Variants in SSTR1 observed in about 807,000 individuals in gnomAD.
SSTR1 encodes the protein somatostatin receptor type 1.
SSTR1 carries 10 observed loss-of-function variants against 20.7 expected under a neutral mutation model. That is an observed-to-expected ratio of 0.48 (90% CI 0.30 to 0.82). The LOEUF is 0.82. SSTR1 is among the 40% of genes least tolerant of loss of function. SSTR1 has a pLI of 0.07. For missense variants in SSTR1, 494 were observed against 540.0 expected, an observed-to-expected ratio of 0.91 and a Z score of 0.84; for synonymous variants, 267 against 227.8, an observed-to-expected ratio of 1.17 and a Z score of -1.55.
In SSTR1 at chr14:38,212,023, T is replaced by C. The variant is rs972821210; in HGVS notation, c.*1458T>C. 1.8e-5 allele frequency: 3 copies of C among 166,944 alleles called. No individual in the cohort carries two copies. Among genetic ancestry groups the C allele is most frequent in the African/African-American group, 7.2e-5 (3 of 41,412 alleles). The allele number at this position is 166,944 out of a possible 1,614,324, so 10.3% of individuals were successfully genotyped here. On this transcript the variant is annotated 3_prime_UTR_variant, in exon 3 of 3. Coordinates refer to ENST00000267377, the MANE Select transcript of SSTR1 (RefSeq NM_001049.3). ...TTTCCTCTAGCTTTTCTATTTTTGATTGTGTTGAGTGAAGTTTGGAGATTT... is the reference window on the plus strand; with the variant it reads ...TTTCCTCTAGCTTTTCTATTTTTGACTGTGTTGAGTGAAGTTTGGAGATTT...
At chr14:38,208,845 C>T (rs572257349) in intron 2 of SSTR1, among the ~76,000 whole-genome samples, 54 of 152,216 alleles carry the variant, frequency 3.5e-4, no homozygotes, top group African/African-American at 1.3e-3. Flanking sequence ...ACCTTTGGTT[C>T]CCACCCGCCC....
Position 38,210,322 on chromosome 14 carries a change from C to G in SSTR1, c.933C>G (p.Leu311=). The G allele has an allele frequency of 1.9e-6, 3 of 1,614,260 alleles. No individual in the cohort carries two copies. The highest frequency in any genetic ancestry group is 1.3e-5 in the African/African-American group (1 of 75,062). The change falls in exon 3 of 3, where the codon CTC becomes CTG. Residue 311 remains leucine (L), a synonymous_variant. Transcript: ENST00000267377. ...DATVSQLSVI[L]GYANSCANPI... ...CGGTGAGTCAGCTGTCGGTCATCCT[C>G]GGCTATGCCAACAGCTGCGCCAACC...
chr14:38,210,353 C>A lies in SSTR1; in HGVS notation c.964C>A (p.Leu322Ile). Residue 322 changes from leucine (L) to isoleucine (I), a missense_variant, in exon 3 of 3, where the codon CTC (leucine) becomes ATC (isoleucine). Physicochemically the swap from Leu to Ile is conservative, Grantham distance 5 (BLOSUM62 2). This residue lies in a region of SSTR1 where 280 missense variants were observed against 286.1 expected (regional missense o/e 0.98). Transcript: ENST00000267377. ...TGCCAACAGCTGCGCCAACCCCATCCTCTATGGCTTTCTCTCAGACAACTT... is the reference window on the plus strand; with the variant it reads ...TGCCAACAGCTGCGCCAACCCCATCATCTATGGCTTTCTCTCAGACAACTT... ...GYANSCANPI[L>I]YGFLSDNFKR... 9 of 1,614,272 alleles carry A rather than the reference C, an allele frequency of 5.6e-6. No individual in the cohort carries two copies. Among genetic ancestry groups the A allele is most frequent in the Non-Finnish European group, 7.6e-6 (9 of 1,180,052 alleles).
At chr14:38,209,018 T>G in intron 2 of SSTR1, 28 bp from the exon 3 acceptor site, 1 of 201,182 alleles carries the variant, frequency 5.0e-6, no homozygotes. Flanking sequence ...TCTCCTCCCT[T>G]TCTCCACCCC....
chr14:38,211,117 AC>A lies in SSTR1; in HGVS notation c.*554del, dbSNP rs1183679011. Reference sequence around the variant, plus strand: ...GACCGCTCTCCCTTTGCGCAGCCCTACCTTAAGGAAAGTTGGACTTGAGAAA... The same window carrying A: ...GACCGCTCTCCCTTTGCGCAGCCCTACTTAAGGAAAGTTGGACTTGAGAAA... On this transcript the variant is annotated 3_prime_UTR_variant, in exon 3 of 3. Coordinates refer to ENST00000267377, the MANE Select transcript of SSTR1 (RefSeq NM_001049.3). 1 of 167,372 alleles carries A rather than the reference AC, an allele frequency of 6.0e-6. No homozygotes were observed. The highest frequency in any genetic ancestry group is 2.4e-5 in the African/African-American group (1 of 41,276). The allele number at this position is 167,372 out of a possible 1,614,324, so 10.4% of individuals were successfully genotyped here. A position where few individuals can be genotyped will look rare whatever the true frequency, so the allele number is the denominator to read the frequency against.
rs758356164 is a variant in SSTR1, at chr14:38,209,956, C to T, written c.567C>T (p.Ile189=). ...LGVWVLSLLV[I]LPIVVFSRTA... ...TGTGGGTGCTATCGCTGCTCGTCAT[C>T]CTGCCCATCGTGGTCTTCTCTCGCA... Residue 189 remains isoleucine (I), a synonymous_variant, in exon 3 of 3, where the codon ATC becomes ATT. Coordinates refer to ENST00000267377, the MANE Select transcript of SSTR1 (RefSeq NM_001049.3). 2 of 1,614,096 alleles carry T rather than the reference C, an allele frequency of 1.2e-6. No individual in the cohort carries two copies. The highest frequency in any genetic ancestry group is 1.1e-5 in the South Asian group (1 of 91,086).
chr14:38,208,801 G>A (rs145255761), intron 2 of SSTR1, among the ~76,000 whole-genome samples, 192 bp downstream of exon 2: 3 of 152,292 alleles, frequency 2.0e-5, no homozygotes, highest in East Asian at 3.9e-4. Flanking sequence ...TCTTTGCTTT[G>A]GGTAGGAGAG....
rs2139295284 is a variant in SSTR1, at chr14:38,208,435, G to C, written c.-511-8G>C. On this transcript the variant is annotated splice_polypyrimidine_tract_variant and splice_region_variant and intron_variant, in intron 1 of 2. Coordinates refer to ENST00000267377, the MANE Select transcript of SSTR1 (RefSeq NM_001049.3). ...GGTGGTTGTCCTTTCTTCTCATAAC[G>C]CTCGCAGCTTAGGGCCAGTTTCCGC... is the stretch of plus-strand genomic sequence containing the variant. 2 of 152,354 alleles carry C rather than the reference G, an allele frequency of 1.3e-5. No homozygotes were observed. The highest frequency in any genetic ancestry group is 3.9e-4 in the East Asian group (2 of 5,174). 9.4% of individuals were successfully genotyped at this position (152,354 alleles called of 1,614,324 possible). A position where few individuals can be genotyped will look rare whatever the true frequency, so the allele number is the denominator to read the frequency against.
At position 38,210,043 on chromosome 14, in the gene SSTR1, C is replaced by T; in HGVS notation, c.654C>T (p.Arg218=). 1 of 1,614,246 alleles carries T rather than the reference C, an allele frequency of 6.2e-7. No homozygotes were observed. The highest frequency in any genetic ancestry group is 8.5e-7 in the Non-Finnish European group (1 of 1,180,062). ...TGCTCATGCCAGAGCCCGCTCAACG[C>T]TGGCTGGTGGGCTTCGTGTTGTACA... The part of the protein sequence containing the change: ...CNMLMPEPAQ[R]WLVGFVLYTF... The change falls in exon 3 of 3, where the codon CGC becomes CGT. Residue 218 remains arginine (R), a synonymous_variant. Coordinates refer to ENST00000267377, the MANE Select transcript of SSTR1 (RefSeq NM_001049.3).
rs762428100 is a variant in SSTR1, at chr14:38,209,498, G to T, written c.109G>T (p.Gly37Cys). ...SRGPGAGAAD[G>C]MEEPGRNASQ... is the part of the protein sequence containing the mutation. ...GGGCCCCGGGGCCGGCGCTGCGGAC[G>T]GCATGGAGGAGCCAGGGCGAAATGC... Residue 37 changes from glycine to cysteine, a missense_variant, in exon 3 of 3, where the codon GGC becomes TGC. Around this residue, in one of 3 missense-constraint regions of SSTR1, gnomAD observed 98 missense variants for 79.3 expected, o/e 1.24. Transcript: ENST00000267377. The T allele has an allele frequency of 8.2e-6, 13 of 1,579,726 alleles. No homozygotes were observed. The South Asian group carries it at 8.3e-5, about 10-fold the overall frequency.
In SSTR1 at chr14:38,209,291, C is replaced by T; in HGVS notation, c.-99C>T. 1 of 1,354,610 alleles carries T rather than the reference C, an allele frequency of 7.4e-7. No homozygotes were observed. Among genetic ancestry groups the T allele is most frequent in the South Asian group, 1.8e-5 (1 of 56,598 alleles). The allele number at this position is 1,354,610 out of a possible 1,614,324, so 83.9% of individuals were successfully genotyped here. Reference sequence around the variant, plus strand: ...CCCGGAGGCGCTGGGCGGCTGTGGGCTGCAGGCAAGCGGTCGGGTGGGGAG... The same window carrying T: ...CCCGGAGGCGCTGGGCGGCTGTGGGTTGCAGGCAAGCGGTCGGGTGGGGAG... On this transcript the variant is annotated 5_prime_UTR_variant, in exon 3 of 3. Transcript: ENST00000267377.
At position 38,209,716 on chromosome 14, in the gene SSTR1, C is replaced by T. The variant is rs773093431; in HGVS notation, c.327C>T (p.Leu109=). 7 of 1,613,992 alleles carry T rather than the reference C, an allele frequency of 4.3e-6. No individual in the cohort carries two copies. The highest frequency in any genetic ancestry group is 1.3e-5 in the African/African-American group (1 of 74,940). The change falls in exon 3 of 3, where the codon CTC becomes CTT. Residue 109 remains leucine (L), a synonymous_variant. Transcript: ENST00000267377. ...NLAIADELLM[L]SVPFLVTSTL... is the part of the protein sequence containing the mutation. Reference sequence around the variant, plus strand: ...CCATTGCTGATGAGCTGCTCATGCTCAGCGTGCCCTTCCTAGTCACCTCCA... The same window carrying T: ...CCATTGCTGATGAGCTGCTCATGCTTAGCGTGCCCTTCCTAGTCACCTCCA...
In SSTR1 at chr14:38,210,150, C is replaced by T. The variant is rs867289878; in HGVS notation, c.761C>T (p.Ala254Val). 6.2e-7 allele frequency: 1 copy of T among 1,614,246 alleles called. No individual in the cohort carries two copies. The highest frequency in any genetic ancestry group is 8.5e-7 in the Non-Finnish European group (1 of 1,180,056). ...VLIIAKMRMV[A>V]LKAGWQQRKR... ...ATCATTGCTAAGATGCGCATGGTGG[C>T]CCTCAAGGCCGGCTGGCAGCAGCGC... Residue 254 changes from alanine to valine, a missense_variant, in exon 3 of 3, where the codon GCC becomes GTC. By Grantham distance (64) the Ala-to-Val change is moderately conservative. Transcript: ENST00000267377.
chr14:38,209,282 G>A lies in SSTR1; in HGVS notation c.-108G>A, dbSNP rs1479494200. ...TGCGCTCTACCCGGAGGCGCTGGGCGGCTGTGGGCTGCAGGCAAGCGGTCG... is the reference window on the plus strand; with the variant it reads ...TGCGCTCTACCCGGAGGCGCTGGGCAGCTGTGGGCTGCAGGCAAGCGGTCG... On this transcript the variant is annotated 5_prime_UTR_variant, in exon 3 of 3. Transcript: ENST00000267377. 1.5e-6 allele frequency: 2 copies of A among 1,301,118 alleles called. No individual in the cohort carries two copies. Among genetic ancestry groups the A allele is most frequent in the Non-Finnish European group, 2.0e-6 (2 of 1,010,852 alleles). The allele number at this position is 1,301,118 out of a possible 1,614,324, so 80.6% of individuals were successfully genotyped here.
rs1055636841 is a variant in SSTR1, at chr14:38,209,266, C to T, written c.-124C>T. On this transcript the variant is annotated 5_prime_UTR_variant, in exon 3 of 3. Coordinates refer to ENST00000267377, the MANE Select transcript of SSTR1 (RefSeq NM_001049.3). ...CGCTCCCCGCAGCGGTTGCGCTCTA[C>T]CCGGAGGCGCTGGGCGGCTGTGGGC... 2 of 1,243,906 alleles carry T rather than the reference C, an allele frequency of 1.6e-6. No individual in the cohort carries two copies. The highest frequency in any genetic ancestry group is 3.0e-5 in the East Asian group (1 of 33,450). 77.1% of individuals were successfully genotyped at this position (1,243,906 alleles called of 1,614,324 possible).
rs1433368667 is a variant in SSTR1 at position 38,210,180 on chromosome 14, G to T, written c.791G>T (p.Arg264Leu). The part of the protein sequence containing the change: ...ALKAGWQQRK[R>L]SERKITLMVM... Reference sequence around the variant, plus strand: ...AAGGCCGGCTGGCAGCAGCGCAAGCGCTCGGAGCGCAAGATCACCTTAATG... The same window carrying T: ...AAGGCCGGCTGGCAGCAGCGCAAGCTCTCGGAGCGCAAGATCACCTTAATG... Residue 264 changes from arginine to leucine, a missense_variant, in exon 3 of 3, where the codon CGC becomes CTC. Transcript: ENST00000267377. The T allele has an allele frequency of 1.9e-6, 3 of 1,614,122 alleles. No homozygotes were observed. The highest frequency in any genetic ancestry group is 2.7e-5 in the African/African-American group (2 of 74,956).
Position 38,210,919 on chromosome 14 carries a change from C to T in SSTR1, c.*354C>T. The T allele has an allele frequency of 3.9e-6, 1 of 256,290 alleles. No individual in the cohort carries two copies. The highest frequency in any genetic ancestry group is 8.0e-6 in the Non-Finnish European group (1 of 124,928). 15.9% of individuals were successfully genotyped at this position (256,290 alleles called of 1,614,324 possible). On this transcript the variant is annotated 3_prime_UTR_variant, in exon 3 of 3. Transcript: ENST00000267377. Reference sequence around the variant, plus strand: ...TTTCTTCCGCACCGTCCCGCCAGTGCAGATCACGAACTCATTAACAACTCA... The same window carrying T: ...TTTCTTCCGCACCGTCCCGCCAGTGTAGATCACGAACTCATTAACAACTCA...
Position 38,209,824 on chromosome 14 carries a change from C to T in SSTR1, c.435C>T (p.Ile145=). The T allele has an allele frequency of 6.2e-7, 1 of 1,613,926 alleles. No homozygotes were observed. Among genetic ancestry groups the T allele is most frequent in the Non-Finnish European group, 8.5e-7 (1 of 1,180,042 alleles). ...SVDAVNMFTS[I]YCLTVLSVDR... ...ACGCGGTCAACATGTTCACCAGCATCTACTGTCTGACTGTGCTCAGCGTGG... is the reference window on the plus strand; with the variant it reads ...ACGCGGTCAACATGTTCACCAGCATTTACTGTCTGACTGTGCTCAGCGTGG... Residue 145 remains isoleucine, a synonymous_variant, in exon 3 of 3, where the codon ATC becomes ATT. Coordinates refer to ENST00000267377, the MANE Select transcript of SSTR1 (RefSeq NM_001049.3).
In SSTR1 at chr14:38,209,548, G is replaced by A. The variant is rs543826583; in HGVS notation, c.159G>A (p.Glu53=). The change falls in exon 3 of 3, where the codon GAG becomes GAA. Residue 53 remains glutamate (E), a synonymous_variant. Transcript: ENST00000267377. ...RNASQNGTLS[E]GQGSAILISF... is the part of the protein sequence containing the mutation. ...CGTCCCAGAACGGGACCTTGAGCGA[G>A]GGCCAGGGCAGCGCCATCCTGATCT... 2.1e-4 allele frequency: 338 copies of A among 1,603,400 alleles called. 6 individuals carry two copies. The South Asian group carries it at 3.6e-3, about 17-fold the overall frequency.
Sources: allele counts gnomAD v4.1 joint callset (sites outside exome capture counted in the v4.1 genomes callset), GRCh38; gene constraint gnomAD v4.1.1; regional missense constraint gnomAD v4.1.1; transcripts MANE v1.5; gene names NCBI Gene and HGNC (gene_info 2026-07-23, HGNC 2026-07-21).